The following RAG1 variants were observed in gnomAD, a reference collection of about 807,000 sequenced individuals.
RAG1 encodes V(D)J recombination-activating protein 1.
A neutral mutation model predicts 62.7 loss-of-function variants in RAG1; 35 were observed. The ratio of observed to expected loss-of-function variants is 0.56; its 90% CI spans 0.43 to 0.74. RAG1 has a LOEUF of 0.74. Ranked by LOEUF, RAG1 falls within the 30% of genes least tolerant of loss-of-function variation. RAG1 has a pLI of 0.00. For synonymous variants in RAG1, 461 were observed against 470.3 expected, an observed-to-expected ratio of 0.98 and a Z score of 0.26; for missense variants, 1,169 against 1,278.6, an observed-to-expected ratio of 0.91 and a Z score of 1.31.
intron 3 of RAG1, among the ~76,000 whole-genome samples, chr11:36,541,645 C>CGATGCCTGCTT (rs1273208418): frequency 3.9e-5 from 6 of 152,228 alleles, no homozygotes; most frequent in Non-Finnish European, 7.4e-5. Context: ...CTTGGATAGC[C>CGATGCCTGCTT]GATGCCTGCT....
At chr11:36,521,799 G>C (rs1345024578) in intron 2 of RAG1, among the ~76,000 whole-genome samples, 1 of 152,182 alleles carries the variant, frequency 6.6e-6, no homozygotes, top group East Asian at 1.9e-4. Flanking sequence ...GGCTGAGGTG[G>C]TATCAGATGG....
chr11:36,567,852 C>A (rs1026803281), upstream of RAG1, among the ~76,000 whole-genome samples: 2 of 152,176 alleles, frequency 1.3e-5, no homozygotes, highest in Admixed American at 1.3e-4. Context: ...ACACTCAGGC[C>A]CCCCTGAGCT....
chr11:36,534,973 T>A (rs1252401168), intron 2 of RAG1, among the ~76,000 whole-genome samples: 1 of 152,214 alleles, frequency 6.6e-6, no homozygotes, highest in African/African-American at 2.4e-5. Flanking sequence ...TTTAGGGTTA[T>A]GTTTTAAAAC....
intron 1 of RAG1, among the ~76,000 whole-genome samples, chr11:36,571,243 T>A (rs1220546251): frequency 1.3e-5 from 2 of 152,172 alleles, no homozygotes; most frequent in African/African-American, 4.8e-5. Flanking sequence ...CTAGAGATGG[T>A]CATGCATTTT....
chr11:36,514,307 G>T (rs1470963958), intron 1 of RAG1, among the ~76,000 whole-genome samples: 1 of 152,096 alleles, frequency 6.6e-6, no homozygotes, highest in Non-Finnish European at 1.5e-5. Context: ...CTAAAGTTTG[G>T]GTAATTTGGT....
At position 36,573,943 on chromosome 11, in the gene RAG1, C is replaced by G; in HGVS notation, c.639C>G (p.Ile213Met). Residue 213 changes from isoleucine to methionine, a missense_variant, in exon 2 of 2, where the codon ATC (isoleucine) becomes ATG (methionine). By Grantham distance (10) the Ile-to-Met change is conservative (BLOSUM62 1). Transcript: ENST00000299440. ...EWHPHTPSCD[I>M]CNTARRGLKR... The stretch of plus-strand genomic sequence containing the variant: ...ACCCCCACACACCATCCTGTGACAT[C>G]TGCAACACTGCCCGTCGGGGACTCA... The G allele has an allele frequency of 6.2e-7, 1 of 1,614,146 alleles. No individual in the cohort carries two copies. The highest frequency in any genetic ancestry group is 8.5e-7 in the Non-Finnish European group (1 of 1,180,038).
intron 1 of RAG1, among the ~76,000 whole-genome samples, chr11:36,572,728 A>T (rs1456732413): frequency 2.6e-5 from 4 of 152,170 alleles, no homozygotes; most frequent in Non-Finnish European, 5.9e-5. Flanking sequence ...AATTCACTTC[A>T]TCCTTTCAAG....
intron 2 of RAG1, among the ~76,000 whole-genome samples, chr11:36,533,123 CCT>C (rs1564978342): frequency 6.6e-6 from 1 of 152,098 alleles, no homozygotes; most frequent in Non-Finnish European, 1.5e-5. Flanking sequence ...GCCACAACAA[CCT>C]CGGTTCTGTT....
At chr11:36,560,333 G>A (rs1850564977) in intron 3 of RAG1, among the ~76,000 whole-genome samples, 1 of 152,136 alleles carries the variant, frequency 6.6e-6, no homozygotes, top group African/African-American at 2.4e-5. Flanking sequence ...CCTGGTCTTA[G>A]GGGAGGTTTA....
upstream of RAG1, chr11:36,567,913 T>C (rs1850682992): frequency 6.6e-6 from 1 of 152,356 alleles, no homozygotes; most frequent in Non-Finnish European, 1.5e-5. Context: ...TCCTGGCCCA[T>C]GATTGGCTGC....
chr11:36,577,163 A>G lies in RAG1; in HGVS notation c.*727A>G, dbSNP rs1273573425. 6.0e-6 allele frequency: 1 copy of G among 166,940 alleles called. No individual in the cohort carries two copies. Among genetic ancestry groups the G allele is most frequent in the Non-Finnish European group, 1.5e-5 (1 of 68,120 alleles). 10.3% of individuals were successfully genotyped at this position (166,940 alleles called of 1,614,324 possible). On this transcript the variant is annotated 3_prime_UTR_variant, in exon 2 of 2. Transcript: ENST00000299440. ...TTTTTCAATAATGAATTTAGAATACACCTGTTAGCTACAGTTAGTTATTAA... is the reference window on the plus strand; with the variant it reads ...TTTTTCAATAATGAATTTAGAATACGCCTGTTAGCTACAGTTAGTTATTAA...
In RAG1 at chr11:36,578,180, GT is replaced by G. The variant is rs1203730723; in HGVS notation, c.*1746del. On this transcript the variant is annotated 3_prime_UTR_variant, in exon 2 of 2. Coordinates refer to ENST00000299440, the MANE Select transcript of RAG1 (RefSeq NM_000448.3). ...GTATATCAAAGAGCTTGATAATTTA[GT>G]TGTCAAAAGTGCATCGGCGACATTA... The G allele has an allele frequency of 2.4e-5, 4 of 166,988 alleles. No homozygotes were observed. In the Admixed American group the frequency reaches 2.6e-4, roughly 11 times the overall value. 10.3% of individuals were successfully genotyped at this position (166,988 alleles called of 1,614,324 possible).
rs774553965 is a variant in RAG1, at chr11:36,573,534, C to A, written c.230C>A (p.Thr77Asn). Residue 77 changes from threonine (T) to asparagine (N), a missense_variant, in exon 2 of 2, where the codon ACT becomes AAT. Thr to Asn is a moderately conservative substitution (Grantham distance 65, BLOSUM62 0). Coordinates refer to ENST00000299440, the MANE Select transcript of RAG1 (RefSeq NM_000448.3). The stretch of plus-strand genomic sequence containing the variant: ...GCTGATGGTCAGAAGCCAGTCCCAA[C>A]TCAGCCATTGTTAAAAGCCCACCCT... ...DKADGQKPVP[T>N]QPLLKAHPKF... 6.2e-7 allele frequency: 1 copy of A among 1,614,196 alleles called. No homozygotes were observed. Among genetic ancestry groups the A allele is most frequent in the South Asian group, 1.1e-5 (1 of 91,086 alleles).
intron 3 of RAG1, among the ~76,000 whole-genome samples, chr11:36,561,799 G>A (rs115566734): frequency 3.1e-3 from 473 of 152,326 alleles, no homozygotes; most frequent in African/African-American, 0.01. Flanking sequence ...TCTCTAGCTT[G>A]TGGATGGCAG....
intron 3 of RAG1, among the ~76,000 whole-genome samples, chr11:36,543,881 T>C (rs1850352040): frequency 6.6e-6 from 1 of 152,202 alleles, no homozygotes; most frequent in Non-Finnish European, 1.5e-5. Context: ...CTGGGATAAA[T>C]GGCCAGAAGC....
In RAG1 at chr11:36,574,815, A is replaced by C; in HGVS notation, c.1511A>C (p.His504Pro). Reference sequence around the variant, plus strand: ...GGGAGACAGATTTTTCAGCCTTTGCATGCCCTTCGGAATGCTGAGAAGGTA... The same window carrying C: ...GGGAGACAGATTTTTCAGCCTTTGCCTGCCCTTCGGAATGCTGAGAAGGTA... ...ITGRQIFQPL[H>P]ALRNAEKVLL... The change falls in exon 2 of 2, where the codon CAT becomes CCT. Residue 504 changes from histidine to proline, a missense_variant. By Grantham distance (77) the His-to-Pro change is moderately conservative (BLOSUM62 -2). This residue lies in a region of RAG1 where 800 missense variants were observed against 943.3 expected (regional missense o/e 0.85). Coordinates refer to ENST00000299440, the MANE Select transcript of RAG1 (RefSeq NM_000448.3). 3 of 1,614,202 alleles carry C rather than the reference A, an allele frequency of 1.9e-6. No homozygotes were observed. The highest frequency in any genetic ancestry group is 2.5e-6 in the Non-Finnish European group (3 of 1,180,038).
chr11:36,571,500 A>G (rs1380288956), intron 1 of RAG1, among the ~76,000 whole-genome samples: 1 of 152,188 alleles, frequency 6.6e-6, no homozygotes, highest in Non-Finnish European at 1.5e-5. Flanking sequence ...TTAATGAGAC[A>G]TTTGAAATGG....
At chr11:36,525,608 T>A (rs1229430117) in intron 2 of RAG1, among the ~76,000 whole-genome samples, 1 of 152,196 alleles carries the variant, frequency 6.6e-6, no homozygotes, top group East Asian at 1.9e-4. Context: ...ATCCTTTACA[T>A]GTTTCGTACG....
At chr11:36,527,951 A>T (rs1860190659) in intron 2 of RAG1, among the ~76,000 whole-genome samples, 1 of 152,136 alleles carries the variant, frequency 6.6e-6, no homozygotes, top group Admixed American at 6.6e-5. Flanking sequence ...GAAGTTGCTT[A>T]TCAGCTTAAG....
Sources: allele counts gnomAD v4.1 joint callset (sites outside exome capture counted in the v4.1 genomes callset), GRCh38; gene constraint gnomAD v4.1.1; regional missense constraint gnomAD v4.1.1; transcripts MANE v1.5; gene names NCBI Gene and HGNC (gene_info 2026-07-23, HGNC 2026-07-21).